The following DCC variants were observed in gnomAD, a reference collection of about 807,000 sequenced individuals.
DCC encodes netrin receptor DCC.
In DCC, 58 loss-of-function variants were observed where a neutral mutation model predicts 172.5. That is an observed-to-expected ratio of 0.34 (90% confidence interval 0.27 to 0.42). DCC has a LOEUF of 0.42. DCC is among the 10% of genes least tolerant of loss of function. DCC has a pLI of 1.00. For synonymous variants in DCC, 709 were observed against 644.5 expected (o/e 1.10, Z -1.52); for missense variants, 1,740 against 1,791.0 (o/e 0.97, Z 0.51).
At chr18:52,870,655 G>T (rs557038147) in intron 2 of DCC, among the ~76,000 whole-genome samples, 7 of 151,734 alleles carry the variant, frequency 4.6e-5, no homozygotes, top group South Asian at 4.2e-4. Flanking sequence ...ACAACCAGAC[G>T]GTCCCACCTT....
chr18:52,861,356 TAAGCCATTACAGTCA>T (rs1251447353), intron 2 of DCC, among the ~76,000 whole-genome samples: 1 of 152,162 alleles, frequency 6.6e-6, no homozygotes, highest in East Asian at 1.9e-4. Context: ...TATCTGAAAA[TAAGCCATTACAGTCA>T]AAGCCATTAC....
At chr18:53,248,966 A>G (rs1185703905) in intron 12 of DCC, among the ~76,000 whole-genome samples, 1 of 152,026 alleles carries the variant, frequency 6.6e-6, no homozygotes, top group East Asian at 1.9e-4. Context: ...TGAAAGTTCC[A>G]ATTTTACCTT....
At chr18:52,503,434 C>G (rs1288677085) in intron 1 of DCC, among the ~76,000 whole-genome samples, 1 of 152,128 alleles carries the variant, frequency 6.6e-6, no homozygotes, top group Non-Finnish European at 1.5e-5. Flanking sequence ...CCTCCCTACT[C>G]AAAAATCCCT....
intron 9 of DCC, among the ~76,000 whole-genome samples, chr18:53,190,391 CA>C (rs1555727655): frequency 6.6e-6 from 1 of 151,530 alleles, no homozygotes; most frequent in Non-Finnish European, 1.5e-5. Flanking sequence ...AAATTAAATG[CA>C]AAAAAACTAA....
At chr18:52,835,813 T>A (rs28375257) in intron 2 of DCC, among the ~76,000 whole-genome samples, 1 of 152,204 alleles carries the variant, frequency 6.6e-6, no homozygotes, top group South Asian at 2.1e-4. Flanking sequence ...ATTTTATTTT[T>A]AAAAAATCTT....
chr18:53,106,627 C>A (rs1292219115), intron 7 of DCC, among the ~76,000 whole-genome samples: 1 of 151,880 alleles, frequency 6.6e-6, no homozygotes, highest in Non-Finnish European at 1.5e-5. Context: ...GAAAGGGATC[C>A]TGATCTAGAC....
chr18:52,541,946 A>G (rs2032473388), intron 1 of DCC, among the ~76,000 whole-genome samples: 1 of 141,028 alleles, frequency 7.1e-6, no homozygotes, highest in Admixed American at 7.2e-5. Flanking sequence ...GACTTAGACT[A>G]TATAAAATAT....
rs572320904 is a variant in DCC at position 53,162,069 on chromosome 18, T to G, written c.1418+4557T>G. Among the ~76,000 whole-genome samples the G allele has an allele frequency of 2.6e-5, 4 of 151,930 alleles. No individual in the cohort carries two copies. In the East Asian group the frequency reaches 7.7e-4, roughly 29 times the overall value. On this transcript the variant is annotated intron_variant, in intron 8 of 28. Coordinates refer to ENST00000442544, the MANE Select transcript of DCC (RefSeq NM_005215.4). ...ATCCCAGCACTTTGGGAGGCCGAGG[T>G]GAGTGGATCATTTGAGGTCAAGAGT...
At chr18:53,153,269 G>A (rs776662308) in intron 7 of DCC, among the ~76,000 whole-genome samples, 121 of 152,126 alleles carry the variant, frequency 8.0e-4, no homozygotes, top group Admixed American at 2.5e-3. Context: ...TTAATAACTG[G>A]TAAGTTATAG....
At chr18:53,153,999 C>T (rs1463509087) in intron 7 of DCC, among the ~76,000 whole-genome samples, 4 of 152,170 alleles carry the variant, frequency 2.6e-5, no homozygotes, top group Admixed American at 6.5e-5. Flanking sequence ...AGCTACTGAA[C>T]GTTGCTAACT....
At chr18:53,291,973 A>G (rs531033303) in intron 12 of DCC, among the ~76,000 whole-genome samples, 31 of 152,324 alleles carry the variant, frequency 2.0e-4, no homozygotes, top group African/African-American at 7.2e-4. Flanking sequence ...AGAAGAAACA[A>G]GCCTGGCTAC....
At chr18:53,069,277 C>T (rs369291815) in intron 7 of DCC, among the ~76,000 whole-genome samples, 5 of 152,166 alleles carry the variant, frequency 3.3e-5, no homozygotes, top group African/African-American at 1.2e-4. Context: ...CTTTCGCCTC[C>T]ACACTGGCTG....
chr18:53,002,703 A>G (rs947893713), intron 5 of DCC, among the ~76,000 whole-genome samples: 2 of 152,154 alleles, frequency 1.3e-5, no homozygotes, highest in African/African-American at 4.8e-5. Flanking sequence ...ACATGTGCAC[A>G]ACGTGCAGGT....
chr18:53,068,316 G>T (rs771844894), intron 7 of DCC, among the ~76,000 whole-genome samples: 1 of 151,604 alleles, frequency 6.6e-6, no homozygotes, highest in African/African-American at 2.4e-5. Flanking sequence ...ATAATGTGCC[G>T]GTTAGTTACA....
chr18:53,237,654 A>T (rs1025985165), intron 12 of DCC, among the ~76,000 whole-genome samples: 2 of 152,208 alleles, frequency 1.3e-5, no homozygotes, highest in Non-Finnish European at 2.9e-5. Flanking sequence ...GTGACAACTC[A>T]GTATACCTTC....
chr18:53,085,378 T>G (rs1219305395), intron 7 of DCC, among the ~76,000 whole-genome samples: 1 of 152,110 alleles, frequency 6.6e-6, no homozygotes, highest in Admixed American at 6.5e-5. Context: ...TTAAGGATCT[T>G]TACCAGTTCC....
At chr18:52,355,972 AT>A (rs1043065245) in intron 1 of DCC, among the ~76,000 whole-genome samples, 7 of 152,110 alleles carry the variant, frequency 4.6e-5, no homozygotes, top group African/African-American at 1.7e-4. Flanking sequence ...AAGAAAAAAA[AT>A]GATGGTGATA....
chr18:52,640,677 A>G (rs777107238), intron 1 of DCC, among the ~76,000 whole-genome samples: 10 of 152,176 alleles, frequency 6.6e-5, no homozygotes, highest in Non-Finnish European at 1.5e-4. Flanking sequence ...AGACCTCTAC[A>G]AGGAAAACTA....
chr18:53,159,823 C>CT (rs1174498544), intron 8 of DCC, among the ~76,000 whole-genome samples: 3 of 152,040 alleles, frequency 2.0e-5, no homozygotes, highest in African/African-American at 7.2e-5. Context: ...ACGAATAATA[C>CT]TTTTTTGGTA....
Sources: gnomAD v4.1 joint callset for allele counts (sites outside exome capture counted in the v4.1 genomes callset) on GRCh38, gnomAD v4.1.1 for gene constraint, MANE v1.5 for transcripts, NCBI Gene and HGNC (gene_info 2026-07-23, HGNC 2026-07-21) for gene names.